Variants in TYRO3 observed in about 807,000 individuals in gnomAD.
TYRO3 encodes tyrosine-protein kinase receptor TYRO3.
A neutral mutation model predicts 95.2 loss-of-function variants in TYRO3; 38 were observed. That is an observed-to-expected ratio of 0.40 (90% confidence interval 0.31 to 0.52). The LOEUF is 0.52. Ranked by LOEUF, TYRO3 falls within the 20% of genes least tolerant of loss-of-function variation. TYRO3 has a pLI of 0.56. For missense variants in TYRO3, 812 were observed against 1,116.4 expected, an observed-to-expected ratio of 0.73 and a Z score of 3.89; for synonymous variants, 367 against 432.9, an observed-to-expected ratio of 0.85 and a Z score of 1.89.
chr15:41,573,992 CT>C (rs1454976897), intron 18 of TYRO3, among the ~76,000 whole-genome samples, 177 bp downstream of exon 18: 1 of 152,180 alleles, frequency 6.6e-6, no homozygotes, highest in Non-Finnish European at 1.5e-5. Context: ...TGTTTTCTTT[CT>C]TTCCCCCTTT....
chr15:41,569,503 G>A (rs756671410), intron 9 of TYRO3, among the ~76,000 whole-genome samples: 1 of 151,932 alleles, frequency 6.6e-6, no homozygotes, highest in African/African-American at 2.4e-5. Context: ...AGGAGTGGTG[G>A]TTCACACCTA....
intron 9 of TYRO3, 149 bp downstream of exon 9, chr15:41,569,171 A>G: frequency 1.0e-6 from 1 of 961,522 alleles, no homozygotes; most frequent in Non-Finnish European, 1.5e-6. Flanking sequence ...TGTTTAAACT[A>G]TCTTGGCTGG....
At chr15:41,571,785 C>G (rs1192902886) in intron 14 of TYRO3, 98 bp downstream of exon 14, 1 of 713,384 alleles carries the variant, frequency 1.4e-6, no homozygotes, top group East Asian at 2.5e-5. Context: ...TTGGACTCAT[C>G]TGGTAAATAA....
In TYRO3 at chr15:41,573,818, G is replaced by A; in HGVS notation, c.2282+3G>A. 1 of 936,936 alleles carries A rather than the reference G, an allele frequency of 1.1e-6. No homozygotes were observed. The highest frequency in any genetic ancestry group is 1.6e-6 in the Non-Finnish European group (1 of 623,916). The allele number at this position is 936,936 out of a possible 1,614,324, so 58.0% of individuals were successfully genotyped here. ...CCTCCGGAGTGTATGGAGGACGTGTGAGTATCCTGGGAAGGGGGCTCTGGA... is the reference window on the plus strand; with the variant it reads ...CCTCCGGAGTGTATGGAGGACGTGTAAGTATCCTGGGAAGGGGGCTCTGGA... On this transcript the variant is annotated splice_donor_region_variant and intron_variant, in intron 18 of 18. Transcript: ENST00000263798.
rs1318698742 is a variant in TYRO3, at chr15:41,562,783, GGCAGTTTCAGCCACTGAGCTT to G, written c.580+68_580+88del. ...CTGGGTCCTGGAGGGCACTGAAGCT[GGCAGTTTCAGCCACTGAGCTT>G]GCGGTTGTGAGCGTCCAGAGCAAGC... On this transcript the variant is annotated intron_variant, in intron 4 of 18. Coordinates refer to ENST00000263798, the MANE Select transcript of TYRO3 (RefSeq NM_006293.4). 4.6e-6 allele frequency: 7 copies of G among 1,512,760 alleles called. No individual in the cohort carries two copies. The African/African-American group carries it at 5.5e-5, about 12-fold the overall frequency. 93.7% of individuals were successfully genotyped at this position (1,512,760 alleles called of 1,614,324 possible).
chr15:41,572,865 G>A, intron 15 of TYRO3, 137 bp from the exon 16 acceptor site: 2 of 774,972 alleles, frequency 2.6e-6, no homozygotes, highest in Non-Finnish European at 2.1e-6. Context: ...TCCTTGCCTT[G>A]GGAAGGCCCT....
chr15:41,562,302 A>C, intron 3 of TYRO3: 3 of 338,802 alleles, frequency 8.9e-6, no homozygotes, highest in Non-Finnish European at 1.6e-5. Context: ...AGCCTGGGCA[A>C]CATAGAGAGA....
At position 41,570,132 on chromosome 15, in the gene TYRO3, A is replaced by G; in HGVS notation, c.1358A>G (p.Lys453Arg). Residue 453 changes from lysine (K) to arginine (R), a missense_variant, in exon 10 of 19, where the codon AAG becomes AGG. Physicochemically the swap from Lys to Arg is conservative, Grantham distance 26 (BLOSUM62 2). Transcript: ENST00000263798. ...AAALALILLR[K>R]RRKETRFGQA... ...GCCCTGGCCCTCATCCTGCTTCGAA[A>G]GAGACGGAAAGAGACGCGGTTTGGG... 1 of 1,614,214 alleles carries G rather than the reference A, an allele frequency of 6.2e-7. No homozygotes were observed. The highest frequency in any genetic ancestry group is 8.5e-7 in the Non-Finnish European group (1 of 1,180,032).
At chr15:41,564,345 A>T (rs11070339) in intron 5 of TYRO3, 75 bp downstream of exon 5, 2 of 1,433,226 alleles carry the variant, frequency 1.4e-6, no homozygotes, top group Non-Finnish European at 2.0e-6. Flanking sequence ...AGTTAGAATC[A>T]TTCTGTGTTC....
Position 41,568,293 on chromosome 15 carries a change from C to A in TYRO3, c.1038C>A (p.Ile346=), listed in dbSNP as rs542143718. Residue 346 remains isoleucine, a synonymous_variant, in exon 8 of 19, where the codon ATC becomes ATA. Coordinates refer to ENST00000263798, the MANE Select transcript of TYRO3 (RefSeq NM_006293.4). ...TCATCTTGGAGTGGGAAGAAGTGAT[C>A]CCCGAGGCCCCTTTGGAAGGCCCCC... ...SGLILEWEEV[I]PEAPLEGPLG... is the part of the protein sequence containing the mutation. 5 of 1,613,890 alleles carry A rather than the reference C, an allele frequency of 3.1e-6. No homozygotes were observed. The Admixed American group carries it at 8.3e-5, about 27-fold the overall frequency.
chr15:41,569,677 G>A (rs1386940583), intron 9 of TYRO3, among the ~76,000 whole-genome samples: 3 of 152,302 alleles, frequency 2.0e-5, no homozygotes, highest in Middle Eastern at 3.4e-3. Context: ...TGAAGTGGAA[G>A]GATTGCTTGA....
rs2052129700 is a variant in TYRO3, at chr15:41,559,324, C to G, written c.67C>G (p.Leu23Val). 1 of 460,774 alleles carries G rather than the reference C, an allele frequency of 2.2e-6. No individual in the cohort carries two copies. Among genetic ancestry groups the G allele is most frequent in the African/African-American group, 2.1e-5 (1 of 47,258 alleles). The allele number at this position is 460,774 out of a possible 1,614,324, so 28.5% of individuals were successfully genotyped here. A position where few individuals can be genotyped will look rare whatever the true frequency, so the allele number is the denominator to read the frequency against. ...GCTGCCGCTGCCGCCGCCACCGCGG[C>G]TCGGGCTGCTGCTGGCGGCTCTGGC... ...PPLPLPPPPR[L>V]GLLLAALASL... The change falls in exon 1 of 19, where the codon CTC (leucine) becomes GTC (valine). Residue 23 changes from leucine (L) to valine (V), a missense_variant. Coordinates refer to ENST00000263798, the MANE Select transcript of TYRO3 (RefSeq NM_006293.4).
At chr15:41,577,799 T>G in intron 18 of TYRO3, 87 bp from the exon 19 acceptor site, 1 of 1,421,976 alleles carries the variant, frequency 7.0e-7, no homozygotes, top group Non-Finnish European at 9.4e-7. Context: ...GAATAAAATT[T>G]TTTAAAACCC....
intron 8 of TYRO3, 29 bp from the exon 9 acceptor site, chr15:41,568,849 T>C (rs1259610556): frequency 6.2e-7 from 1 of 1,605,410 alleles, no homozygotes; most frequent in Admixed American, 1.7e-5. Flanking sequence ...CCAGGCTCAC[T>C]ATGGGGTGGG....
chr15:41,560,049 TG>T (rs986479689), intron 1 of TYRO3, among the ~76,000 whole-genome samples: 2 of 152,154 alleles, frequency 1.3e-5, no homozygotes, highest in African/African-American at 4.8e-5. Flanking sequence ...CGGGGACTGA[TG>T]GGCATATAGG....
Position 41,578,024 on chromosome 15 carries a change from C to T in TYRO3, c.2421C>T (p.Ile807=), listed in dbSNP as rs1213739014. The change falls in exon 19 of 19, where the codon ATC becomes ATT. Residue 807 remains isoleucine, a synonymous_variant. Transcript: ENST00000263798. ...GCCAGGACCCCTTATACATCAACAT[C>T]GAGAGAGCTGAGGAGCCCACTGCGG... The part of the protein sequence containing the change: ...SASQDPLYIN[I]ERAEEPTAGG... 16 of 1,614,100 alleles carry T rather than the reference C, an allele frequency of 9.9e-6. No individual in the cohort carries two copies. The highest frequency in any genetic ancestry group is 5.3e-5 in the African/African-American group (4 of 75,042).
In TYRO3 at chr15:41,583,462, A is replaced by T. The variant is rs1265235783; in HGVS notation, c.*5186A>T. Reference sequence around the variant, plus strand: ...TTGAATAATCTGTCTCCATTTCTCTATATAGCCTCATTGATCTATCTAAAC... The same window carrying T: ...TTGAATAATCTGTCTCCATTTCTCTTTATAGCCTCATTGATCTATCTAAAC... On this transcript the variant is annotated 3_prime_UTR_variant, in exon 19 of 19. Transcript: ENST00000263798. 1 of 152,140 alleles carries T rather than the reference A, an allele frequency of 6.6e-6. No individual in the cohort carries two copies. The highest frequency in any genetic ancestry group is 2.4e-5 in the African/African-American group (1 of 41,426). The allele number at this position is 152,140 out of a possible 1,614,324, so 9.4% of individuals were successfully genotyped here. A position where few individuals can be genotyped will look rare whatever the true frequency, so the allele number is the denominator to read the frequency against.
rs761162578 is a variant in TYRO3, at chr15:41,565,152, C to T, written c.783+11C>T. ...TCCTGTACAGTTCAGGTAGGCTCTC[C>T]GGGCCGGGCCATGCTCGTTCTGGCT... On this transcript the variant is annotated intron_variant, in intron 6 of 18. Transcript: ENST00000263798. The T allele has an allele frequency of 1.9e-5, 29 of 1,565,138 alleles. No individual in the cohort carries two copies. The highest frequency in any genetic ancestry group is 9.0e-5 in the East Asian group (4 of 44,558).
rs773047697 is a variant in TYRO3, at chr15:41,568,297, G to A, written c.1042G>A (p.Glu348Lys). ...CTTGGAGTGGGAAGAAGTGATCCCCGAGGCCCCTTTGGAAGGCCCCCTGGG... is the reference window on the plus strand; with the variant it reads ...CTTGGAGTGGGAAGAAGTGATCCCCAAGGCCCCTTTGGAAGGCCCCCTGGG... ...LILEWEEVIP[E>K]APLEGPLGPY... The change falls in exon 8 of 19, where the codon GAG becomes AAG. Residue 348 changes from glutamate to lysine, a missense_variant. By Grantham distance (56) the Glu-to-Lys change is moderately conservative (BLOSUM62 1). Coordinates refer to ENST00000263798, the MANE Select transcript of TYRO3 (RefSeq NM_006293.4). The A allele has an allele frequency of 1.1e-5, 17 of 1,613,952 alleles. No individual in the cohort carries two copies. Among genetic ancestry groups the A allele is most frequent in the South Asian group, 2.2e-5 (2 of 91,058 alleles).
Sources: gnomAD v4.1 joint callset for allele counts (sites outside exome capture counted in the v4.1 genomes callset) on GRCh38, gnomAD v4.1.1 for gene constraint, MANE v1.5 for transcripts, NCBI Gene and HGNC (gene_info 2026-07-23, HGNC 2026-07-21) for gene names.